The following SPAG16 variants were observed in gnomAD, a reference collection of about 807,000 sequenced individuals.
SPAG16 encodes sperm-associated antigen 16 protein.
Under a neutral mutation model 80.4 loss-of-function variants are expected in SPAG16, and 86 were observed. That is an observed-to-expected ratio of 1.07 (90% CI 0.90 to 1.28). The LOEUF is 1.28. Ranked by LOEUF, SPAG16 falls within the 50% of genes most tolerant of loss-of-function variation. The pLI, the probability that SPAG16 is intolerant of heterozygous loss-of-function variation, is 0.00. For synonymous variants in SPAG16, 294 were observed against 265.9 expected (o/e 1.11, Z -1.03); for missense variants, 870 against 765.3 (o/e 1.14, Z -1.61).
At chr2:213,962,327 G>T (rs1288949204) in intron 12 of SPAG16, among the ~76,000 whole-genome samples, 1 of 127,962 alleles carries the variant, frequency 7.8e-6, no homozygotes, top group African/African-American at 2.6e-5. Context: ...TGAGTAGCTG[G>T]GACTACAGGC....
At chr2:213,643,375 TA>T (rs1213524949) in intron 10 of SPAG16, among the ~76,000 whole-genome samples, 1 of 62,202 alleles carries the variant, frequency 1.6e-5, no homozygotes, top group Non-Finnish European at 3.2e-5. Flanking sequence ...TATATATATA[TA>T]TATATATATA....
At chr2:213,371,584 C>T (rs530166123) in intron 8 of SPAG16, among the ~76,000 whole-genome samples, 1 of 152,118 alleles carries the variant, frequency 6.6e-6, no homozygotes, top group East Asian at 1.9e-4. Context: ...TCCATCTATC[C>T]ATTTATTTTC....
intron 10 of SPAG16, among the ~76,000 whole-genome samples, chr2:213,727,935 G>C (rs138642572): frequency 6.6e-6 from 1 of 151,920 alleles, no homozygotes; most frequent in Non-Finnish European, 1.5e-5. Context: ...TGCAACCTCC[G>C]TCTCCTGGGT....
Position 213,298,560 on chromosome 2 carries a change from ATAAG to A in SPAG16, c.279+1204_279+1207del, listed in dbSNP as rs2062600853. ...TTGGCACTAAATAAATAGCAGTTAA[ATAAG>A]AGAATGGATAAGTGGATCATTGAAT... On this transcript the variant is annotated intron_variant, in intron 3 of 15. Transcript: ENST00000331683. Among the ~76,000 whole-genome samples, 4 of 152,214 alleles carry A rather than the reference ATAAG, an allele frequency of 2.6e-5. No individual in the cohort carries two copies. The South Asian group carries it at 8.3e-4, about 32-fold the overall frequency.
rs539725134 is a variant in SPAG16, at chr2:214,210,830, TGC to T, written c.1720+61573_1720+61574del. ...TTAAGCAAAAAAATACACACACACA[TGC>T]GCGCGCGCACACACACACACACACA... is the stretch of plus-strand genomic sequence containing the variant. On this transcript the variant is annotated intron_variant, in intron 15 of 15. Coordinates refer to ENST00000331683, the MANE Select transcript of SPAG16 (RefSeq NM_024532.5). Among the ~76,000 whole-genome samples, 507 of 148,166 alleles carry T rather than the reference TGC, an allele frequency of 3.4e-3. 2 individuals carry two copies. Among genetic ancestry groups the T allele is most frequent in the Non-Finnish European group, 6.2e-3 (419 of 67,762 alleles).
intron 7 of SPAG16, among the ~76,000 whole-genome samples, chr2:213,361,789 CCACACACACA>C (rs10585217): frequency 4.5e-4 from 63 of 140,106 alleles, no homozygotes; most frequent in South Asian, 2.1e-3. Flanking sequence ...ACTGATAATG[CCACACACACA>C]CACACACACA....
chr2:214,093,545 G>T (rs1340202312), intron 13 of SPAG16, among the ~76,000 whole-genome samples: 1 of 151,978 alleles, frequency 6.6e-6, no homozygotes, highest in Non-Finnish European at 1.5e-5. Context: ...GTCCATGTAT[G>T]TGTATGTATC....
chr2:213,302,660 T>TATGTGTGTGTGTGG, intron 3 of SPAG16: 1 of 149,316 alleles, frequency 6.7e-6, no homozygotes, highest in African/African-American at 2.5e-5. Flanking sequence ...TGTGTGTGTG[T>TATGTGTGTGTGTGG]TGTGTATAAA....
At chr2:214,059,514 G>A (rs968778413) in intron 13 of SPAG16, among the ~76,000 whole-genome samples, 1 of 151,694 alleles carries the variant, frequency 6.6e-6, no homozygotes, top group African/African-American at 2.4e-5. Context: ...ACAAATACAA[G>A]TCTGAGCCAT....
At chr2:213,554,926 T>C (rs2059380441) in intron 10 of SPAG16, among the ~76,000 whole-genome samples, 1 of 151,916 alleles carries the variant, frequency 6.6e-6, no homozygotes, top group Non-Finnish European at 1.5e-5. Context: ...AGAAAGCTCA[T>C]CTAAAGAAAT....
chr2:214,391,605 A>G (rs1375120131), intron 15 of SPAG16, among the ~76,000 whole-genome samples: 1 of 152,188 alleles, frequency 6.6e-6, no homozygotes, highest in Admixed American at 6.5e-5. Flanking sequence ...GATACAACAG[A>G]GGGAAAGAAA....
intron 15 of SPAG16, among the ~76,000 whole-genome samples, chr2:214,401,070 TC>T (rs1701679874): frequency 6.6e-6 from 1 of 152,026 alleles, no homozygotes; most frequent in Non-Finnish European, 1.5e-5. Context: ...AATGCATTGA[TC>T]AGCAGTAAGG....
chr2:214,283,249 G>A (rs10439348), intron 15 of SPAG16, among the ~76,000 whole-genome samples: 52,608 of 151,804 alleles, frequency 0.35, 9,319 homozygotes, highest in East Asian at 0.52. Context: ...TCATAATAAC[G>A]TGTGTGAACC....
rs76972259 is a variant in SPAG16, at chr2:213,906,980, C to T, written c.1215-22980C>T. 9.8e-3 allele frequency among the ~76,000 whole-genome samples: 1,490 copies of T among 152,134 alleles called. 32 individuals are homozygous for T. The highest frequency in any genetic ancestry group is 0.034 in the African/African-American group (1,403 of 41,502). The stretch of plus-strand genomic sequence containing the variant: ...GATTTTGTGGGTAAGACTTAAAAAG[C>T]GCAGATGACAATAACAAAAGTAGAC... On this transcript the variant is annotated intron_variant, in intron 11 of 15. Transcript: ENST00000331683.
chr2:214,077,057 T>C (rs2125247126), intron 13 of SPAG16, among the ~76,000 whole-genome samples: 1 of 152,182 alleles, frequency 6.6e-6, no homozygotes, highest in South Asian at 2.1e-4. Flanking sequence ...AATAACAACA[T>C]TTAAGGGAGG....
chr2:213,372,672 G>T, intron 8 of SPAG16, among the ~76,000 whole-genome samples: 1 of 151,870 alleles, frequency 6.6e-6, no homozygotes, highest in Non-Finnish European at 1.5e-5. Context: ...CCTCATTTTA[G>T]TTTACATGTG....
intron 7 of SPAG16, among the ~76,000 whole-genome samples, chr2:213,350,998 C>T (rs1291301616): frequency 1.7e-4 from 25 of 151,448 alleles, no homozygotes; most frequent in Admixed American, 1.6e-3. Context: ...AACAAATAGC[C>T]GGGTGTGGTG....
chr2:213,821,436 A>T (rs894785704), intron 10 of SPAG16, among the ~76,000 whole-genome samples: 2 of 152,264 alleles, frequency 1.3e-5, no homozygotes, highest in African/African-American at 4.8e-5. Flanking sequence ...TTGTGTGTAT[A>T]GTAGGTATAC....
intron 15 of SPAG16, among the ~76,000 whole-genome samples, chr2:214,247,744 A>C (rs1251257138): frequency 6.6e-6 from 1 of 152,150 alleles, no homozygotes; most frequent in Non-Finnish European, 1.5e-5. Flanking sequence ...ACAAAAAATC[A>C]ACGAGATCCA....
Sources: allele counts gnomAD v4.1 joint callset (sites outside exome capture counted in the v4.1 genomes callset), GRCh38; gene constraint gnomAD v4.1.1; transcripts MANE v1.5; gene names NCBI Gene and HGNC (gene_info 2026-07-23, HGNC 2026-07-21).